Variants in CSMD3 observed in about 807,000 individuals in gnomAD.
CSMD3 encodes the protein CUB and sushi domain-containing protein 3.
Under a neutral mutation model 435.2 loss-of-function variants are expected in CSMD3, and 177 were observed. The observed-to-expected ratio is 0.41, with a 90% CI of 0.36 to 0.46. CSMD3 has a LOEUF of 0.46. Ranked by LOEUF, CSMD3 falls within the 20% of genes least tolerant of loss-of-function variation. The pLI, the probability that CSMD3 is intolerant of heterozygous loss-of-function variation, is 0.34. For synonymous variants in CSMD3, 1,656 were observed against 1,520.5 expected (o/e 1.09, Z -2.07); for missense variants, 4,265 against 4,504.6 (o/e 0.95, Z 1.52).
chr8:112,932,170 T>C (rs2083130567), intron 9 of CSMD3, among the ~76,000 whole-genome samples: 1 of 152,196 alleles, frequency 6.6e-6, no homozygotes, highest in Non-Finnish European at 1.5e-5. Context: ...CTATTCACAA[T>C]AGCTGAGATA....
intron 45 of CSMD3, among the ~76,000 whole-genome samples, chr8:112,322,128 C>A (rs1823049989): frequency 6.6e-6 from 1 of 151,946 alleles, no homozygotes; most frequent in South Asian, 2.1e-4. Flanking sequence ...GATGCTCATA[C>A]CTGTATTATT....
chr8:113,039,800 G>A (rs1247215471), intron 5 of CSMD3, among the ~76,000 whole-genome samples: 4 of 152,074 alleles, frequency 2.6e-5, no homozygotes, highest in South Asian at 2.1e-4. Context: ...ACATATGCCC[G>A]TACTCCAAAA....
chr8:112,946,869 T>G lies in CSMD3; in HGVS notation c.1508+921A>C, dbSNP rs2083627725. On this transcript the variant is annotated intron_variant, in intron 9 of 70. Transcript: ENST00000297405. ...ACTCCAAGTATAGCAAAATGTAACT[T>G]TAAGTCATTCTGAAAGATCCATGGG... Among the ~76,000 whole-genome samples the G allele has an allele frequency of 4.0e-5, 6 of 151,842 alleles. 1 individual carries two copies. In the South Asian group the frequency reaches 1.2e-3, roughly 31 times the overall value.
intron 27 of CSMD3, chr8:112,539,009 A>C (rs1322412473): frequency 6.5e-6 from 1 of 153,192 alleles, no homozygotes; most frequent in Non-Finnish European, 1.5e-5. Context: ...AAAGAGCCTC[A>C]ACCAAATACT....
At chr8:112,488,269 T>G (rs894395849) in intron 31 of CSMD3, among the ~76,000 whole-genome samples, 2 of 152,202 alleles carry the variant, frequency 1.3e-5, no homozygotes, top group Non-Finnish European at 2.9e-5. Context: ...TGGTTCGGTT[T>G]GAGTTTACAG....
intron 2 of CSMD3, among the ~76,000 whole-genome samples, chr8:113,287,100 A>C (rs2093652307): frequency 6.6e-6 from 1 of 152,016 alleles, no homozygotes; most frequent in Admixed American, 6.6e-5. Flanking sequence ...ATTAAATATT[A>C]GTTTCTTTAG....
chr8:112,259,499 T>A (rs183098158), intron 61 of CSMD3, among the ~76,000 whole-genome samples: 1 of 152,066 alleles, frequency 6.6e-6, no homozygotes, highest in East Asian at 1.9e-4. Context: ...AGGTGACAGG[T>A]TGATGAGTGC....
rs1422124951 is a variant in CSMD3, at chr8:113,374,836, AAAAAAAAAAAAC to A, written c.179-60055_179-60044del. ...TAAAAAGTAAAAAAAAAAAAAAAAA[AAAAAAAAAAAAC>A]CAATAAAATGAACACCATAATACCA... On this transcript the variant is annotated intron_variant, in intron 1 of 70. Coordinates refer to ENST00000297405, the MANE Select transcript of CSMD3 (RefSeq NM_198123.2). 2.5e-3 allele frequency among the ~76,000 whole-genome samples: 321 copies of A among 126,984 alleles called. 6 individuals are homozygous for A. The highest frequency in any genetic ancestry group is 8.5e-3 in the African/African-American group (305 of 35,858). 83.3% of individuals were successfully genotyped at this position (126,984 alleles called of 152,430 possible).
chr8:112,665,883 G>A (rs2075510306), intron 17 of CSMD3, among the ~76,000 whole-genome samples: 1 of 152,108 alleles, frequency 6.6e-6, no homozygotes, highest in South Asian at 2.1e-4. Flanking sequence ...TGGATAGTGT[G>A]CCTAAGTGTC....
intron 1 of CSMD3, among the ~76,000 whole-genome samples, chr8:113,365,178 A>G (rs1425588450): frequency 5.3e-5 from 8 of 152,248 alleles, no homozygotes; most frequent in Admixed American, 2.6e-4. Context: ...AGGTAAGCAG[A>G]AGGAAATTTT....
At chr8:113,100,086 C>G (rs1183516283) in intron 4 of CSMD3, among the ~76,000 whole-genome samples, 1 of 151,994 alleles carries the variant, frequency 6.6e-6, no homozygotes. Context: ...TTATTAGAGA[C>G]AACTTTATTA....
chr8:113,411,004 G>A lies in CSMD3; in HGVS notation c.178+25673C>T, dbSNP rs57732442. 4.1e-3 allele frequency among the ~76,000 whole-genome samples: 602 copies of A among 148,062 alleles called. 6 individuals carry two copies. Among genetic ancestry groups the A allele is most frequent in the African/African-American group, 0.014 (575 of 40,294 alleles). The stretch of plus-strand genomic sequence containing the variant: ...GAAGGAAGGAAAAGAAAGAAAGAAA[G>A]AAAAGAAAGAAAAATAAAGAAAGAA... On this transcript the variant is annotated intron_variant, in intron 1 of 70. Coordinates refer to ENST00000297405, the MANE Select transcript of CSMD3 (RefSeq NM_198123.2).
In CSMD3 at chr8:113,269,735, G is replaced by A. The variant is rs1038197082; in HGVS notation, c.514+8857C>T. Reference sequence around the variant, plus strand: ...GGAAAGGATTCCCTATTTAACAAATGGTGCTGGGAAAACTGGCTAGCCATA... The same window carrying A: ...GGAAAGGATTCCCTATTTAACAAATAGTGCTGGGAAAACTGGCTAGCCATA... On this transcript the variant is annotated intron_variant, in intron 3 of 70. Transcript: ENST00000297405. 2.6e-5 allele frequency among the ~76,000 whole-genome samples: 4 copies of A among 152,074 alleles called. No individual in the cohort carries two copies. In the East Asian group the frequency reaches 5.8e-4, roughly 22 times the overall value.
intron 23 of CSMD3, among the ~76,000 whole-genome samples, chr8:112,577,567 TATC>T (rs1408563056): frequency 6.6e-6 from 1 of 152,096 alleles, no homozygotes; most frequent in Non-Finnish European, 1.5e-5. Flanking sequence ...TAAGGATTAA[TATC>T]ATGAAAGTTA....
intron 22 of CSMD3, among the ~76,000 whole-genome samples, chr8:112,610,695 A>T (rs1586802468): frequency 6.6e-6 from 1 of 152,184 alleles, no homozygotes; most frequent in East Asian, 1.9e-4. Context: ...GAAAGAAAAC[A>T]AATAAACAAA....
chr8:112,279,662 C>A (rs2130562954), intron 59 of CSMD3, among the ~76,000 whole-genome samples: 1 of 152,052 alleles, frequency 6.6e-6, no homozygotes, highest in African/African-American at 2.4e-5. Flanking sequence ...TTAAATAGTC[C>A]AATTTGTTCA....
At chr8:113,055,306 G>A (rs1040457115) in intron 5 of CSMD3, among the ~76,000 whole-genome samples, 2 of 152,046 alleles carry the variant, frequency 1.3e-5, no homozygotes, top group African/African-American at 4.8e-5. Context: ...TTAAGCCACC[G>A]CGCCCGGCCT....
intron 1 of CSMD3, among the ~76,000 whole-genome samples, chr8:113,394,294 G>T (rs569868314): frequency 1.3e-3 from 198 of 152,028 alleles, no homozygotes; most frequent in African/African-American, 4.7e-3. Context: ...TACATGCACT[G>T]TGAATTTCCA....
chr8:112,521,444 T>C (rs1231526509), intron 27 of CSMD3, among the ~76,000 whole-genome samples: 2 of 151,998 alleles, frequency 1.3e-5, no homozygotes, highest in Non-Finnish European at 2.9e-5. Context: ...TATTTTGTTG[T>C]TTTGTTTTTT....
Sources: allele counts gnomAD v4.1 joint callset (sites outside exome capture counted in the v4.1 genomes callset), GRCh38; gene constraint gnomAD v4.1.1; transcripts MANE v1.5; gene names NCBI Gene and HGNC (gene_info 2026-07-23, HGNC 2026-07-21).